The following DAB1 variants were observed in gnomAD, a reference collection of about 807,000 sequenced individuals.
DAB1 encodes the protein disabled homolog 1.
DAB1 carries 15 observed loss-of-function variants against 64.6 expected under a neutral mutation model. The ratio of observed to expected loss-of-function variants is 0.23; its 90% confidence interval spans 0.16 to 0.36. The LOEUF (loss-of-function observed/expected upper bound fraction) is 0.36. Among genes scored for constraint, DAB1 ranks in the 10% least tolerant of loss-of-function variants. The probability of loss-of-function intolerance (pLI) is 1.00; values close to 1 mark genes in which losing one functional copy is unlikely to be tolerated. For missense variants in DAB1, 596 were observed against 706.7 expected, an observed-to-expected ratio of 0.84 and a Z score of 1.78; for synonymous variants, 235 against 251.9, an observed-to-expected ratio of 0.93 and a Z score of 0.64.
Position 57,994,108 on chromosome 1 carries a change from C to A in DAB1, n.388-109946G>T, listed in dbSNP as rs1044039168. ...AGTAGGAACAGCTGAGGCTGCAAGG[C>A]CTCTGACTATTAAGTCTGGCAGCAA... is the stretch of plus-strand genomic sequence containing the variant. On this transcript the variant is annotated intron_variant and non_coding_transcript_variant, in intron 5 of 20. Coordinates refer to the DAB1 transcript ENST00000485760. Among the ~76,000 whole-genome samples, 6 of 152,266 alleles carry A rather than the reference C, an allele frequency of 3.9e-5. No individual in the cohort carries two copies. The East Asian group carries it at 1.2e-3, about 29-fold the overall frequency.
rs575573919 is a variant in DAB1, at chr1:57,231,557, A to C, written c.67+59407T>G. ...CAAGTGCTTACTGATTACATGCTGT[A>C]TGCCAGACACAGAGCTAAGCGCTTT... On this transcript the variant is annotated intron_variant, in intron 2 of 14. Transcript: ENST00000371236. Among the ~76,000 whole-genome samples the C allele has an allele frequency of 1.2e-4, 19 of 152,374 alleles. No individual in the cohort carries two copies. The East Asian group carries it at 3.7e-3, about 29-fold the overall frequency.
intron 14 of DAB1, among the ~76,000 whole-genome samples, chr1:57,003,355 A>G (rs941321043): frequency 1.7e-4 from 26 of 152,186 alleles, no homozygotes; most frequent in African/African-American, 5.8e-4. Context: ...AATGTCACAT[A>G]GTCTTACTTG....
chr1:57,865,924 C>T (rs1654279015), intron 1 of DAB1, among the ~76,000 whole-genome samples: 1 of 152,078 alleles, frequency 6.6e-6, no homozygotes, highest in African/African-American at 2.4e-5. Flanking sequence ...AATTAAGGCG[C>T]CAGCAGATTT....
chr1:57,692,015 C>T (rs1465561412), intron 6 of DAB1, among the ~76,000 whole-genome samples: 1 of 152,060 alleles, frequency 6.6e-6, no homozygotes, highest in Non-Finnish European at 1.5e-5. Context: ...CTGGAACCAG[C>T]TTCCACTTTT....
chr1:58,460,250 T>C (rs1314625428), intron 3 of DAB1, among the ~76,000 whole-genome samples: 4 of 152,134 alleles, frequency 2.6e-5, no homozygotes, highest in Non-Finnish European at 5.9e-5. Flanking sequence ...AGATGCCTGA[T>C]CCTATCAGAT....
intron 3 of DAB1, among the ~76,000 whole-genome samples, chr1:57,143,713 C>A (rs1032831212): frequency 6.6e-6 from 1 of 151,852 alleles, no homozygotes; most frequent in Non-Finnish European, 1.5e-5. Flanking sequence ...ATAGCATAAA[C>A]AAAAATAATA....
chr1:58,056,295 A>G, intron 5 of DAB1: 2 of 1,449,588 alleles, frequency 1.4e-6, no homozygotes, highest in Non-Finnish European at 1.9e-6. Flanking sequence ...TGGGAAGCAC[A>G]TAGGCATCGA....
intron 4 of DAB1, among the ~76,000 whole-genome samples, chr1:58,154,614 G>T (rs1655123002): frequency 6.6e-6 from 1 of 152,130 alleles, no homozygotes; most frequent in African/African-American, 2.4e-5. Context: ...CCTGTACCAA[G>T]TACCAGGAGA....
rs869204611 is a variant in DAB1 at position 58,180,281 on chromosome 1, C to CTTTTTTTTT, written n.310-29702_310-29694dup. ...CTTTCTTTTTTCTTTTTTTTCTTTTCTTTTTTTTTTTTTTTTTTTTTTTTT... is the reference window on the plus strand; with the variant it reads ...CTTTCTTTTTTCTTTTTTTTCTTTTCTTTTTTTTTTTTTTTTTTTTTTTTTTTTTTTTTT... On this transcript the variant is annotated intron_variant and non_coding_transcript_variant, in intron 4 of 20. Coordinates refer to the DAB1 transcript ENST00000485760. 1.1e-4 allele frequency among the ~76,000 whole-genome samples: 7 copies of CTTTTTTTTT among 61,034 alleles called. 1 individual carries two copies. The highest frequency in any genetic ancestry group is 2.8e-4 in the African/African-American group (4 of 14,090). 40.0% of individuals were successfully genotyped at this position (61,034 alleles called of 152,430 possible). A position where few individuals can be genotyped will look rare whatever the true frequency, so the allele number is the denominator to read the frequency against.
chr1:57,028,259 G>T (rs965397216), intron 9 of DAB1, among the ~76,000 whole-genome samples: 3 of 152,156 alleles, frequency 2.0e-5, no homozygotes, highest in East Asian at 1.9e-4. Context: ...TTTATCAGGG[G>T]TTTCCAATTT....
intron 5 of DAB1, among the ~76,000 whole-genome samples, chr1:57,976,568 C>G (rs1645924782): frequency 6.6e-6 from 1 of 152,036 alleles, no homozygotes; most frequent in South Asian, 2.1e-4. Flanking sequence ...TCAGGCTCAT[C>G]AAAGTTATGA....
At chr1:57,685,252 G>A (rs3131759) in intron 6 of DAB1, among the ~76,000 whole-genome samples, 2 of 151,080 alleles carry the variant, frequency 1.3e-5, no homozygotes, top group Non-Finnish European at 2.9e-5. Flanking sequence ...ACTCGTGGCC[G>A]GGAGTTGCTA....
chr1:58,204,543 A>T (rs1473571008), intron 4 of DAB1, among the ~76,000 whole-genome samples: 1 of 152,194 alleles, frequency 6.6e-6, no homozygotes, highest in Non-Finnish European at 1.5e-5. Context: ...AGGGGTGATG[A>T]TACACAGATT....
intron 4 of DAB1, among the ~76,000 whole-genome samples, chr1:58,305,362 G>A (rs538871224): frequency 1.3e-5 from 2 of 152,262 alleles, no homozygotes; most frequent in South Asian, 2.1e-4. Context: ...TACAATTCTT[G>A]CCTGTTTTAT....
At chr1:57,980,972 G>C (rs186972404) in intron 5 of DAB1, among the ~76,000 whole-genome samples, 54 of 151,352 alleles carry the variant, frequency 3.6e-4, no homozygotes, top group Non-Finnish European at 2.9e-4. Context: ...TGAATATAAA[G>C]AGATAGATAC....
chr1:57,523,671 C>T (rs974253453), intron 7 of DAB1, among the ~76,000 whole-genome samples: 1 of 152,148 alleles, frequency 6.6e-6, no homozygotes, highest in Non-Finnish European at 1.5e-5. Context: ...CCTGTAATCC[C>T]AGCACTTCGG....
chr1:57,862,096 C>T (rs1413810856), intron 1 of DAB1, among the ~76,000 whole-genome samples: 2 of 152,146 alleles, frequency 1.3e-5, no homozygotes, highest in African/African-American at 4.8e-5. Context: ...ACCCTTTGGT[C>T]TCACTTCTGT....
intron 3 of DAB1, among the ~76,000 whole-genome samples, chr1:58,382,607 C>A (rs1365392824): frequency 4.6e-5 from 7 of 152,146 alleles, no homozygotes; most frequent in Admixed American, 3.9e-4. Flanking sequence ...GTTGGGAAGA[C>A]AAAATAGATA....
At chr1:58,076,969 C>G (rs1010128042) in intron 5 of DAB1, among the ~76,000 whole-genome samples, 1 of 152,104 alleles carries the variant, frequency 6.6e-6, no homozygotes, top group Non-Finnish European at 1.5e-5. Flanking sequence ...GACCATTTTT[C>G]TAAGGATGGT....
Sources: gnomAD v4.1 joint callset for allele counts (sites outside exome capture counted in the v4.1 genomes callset) on GRCh38, gnomAD v4.1.1 for gene constraint, MANE v1.5 for transcripts, NCBI Gene and HGNC (gene_info 2026-07-23, HGNC 2026-07-21) for gene names.